PRRX1: variants seen among roughly 807,000 people sequenced by gnomAD.
The protein encoded by PRRX1 is paired mesoderm homeobox protein 1.
A neutral mutation model predicts 24.0 loss-of-function variants in PRRX1; 8 were observed. The observed-to-expected ratio is 0.33, with a 90% CI of 0.20 to 0.60. PRRX1 has a LOEUF of 0.60. Ranked by LOEUF, PRRX1 falls within the 20% of genes least tolerant of loss-of-function variation. The probability of loss-of-function intolerance (pLI) is 0.82; values close to 1 mark genes in which losing one functional copy is unlikely to be tolerated. For missense variants in PRRX1, 281 were observed against 322.4 expected (o/e 0.87, Z 0.98); for synonymous variants, 160 against 131.7 (o/e 1.22, Z -1.47).
In PRRX1 at chr1:170,737,919, G is replaced by T. The variant is rs1655676520; in HGVS notation, c.*1733G>T. 1 of 216,342 alleles carries T rather than the reference G, an allele frequency of 4.6e-6. No homozygotes were observed. The allele number at this position is 216,342 out of a possible 1,614,324, so 13.4% of individuals were successfully genotyped here. Reference sequence around the variant, plus strand: ...ATGGGAGGAAAGGGACTATAAAAGTGTACAATGTTAATGGAATGATACGGT... The same window carrying T: ...ATGGGAGGAAAGGGACTATAAAAGTTTACAATGTTAATGGAATGATACGGT... On this transcript the variant is annotated 3_prime_UTR_variant, in exon 4 of 4. Coordinates refer to ENST00000239461, the MANE Select transcript of PRRX1 (RefSeq NM_022716.4).
chr1:170,667,991 C>G (rs957896963), intron 1 of PRRX1: 5 of 151,312 alleles, frequency 3.3e-5, no homozygotes, highest in Non-Finnish European at 7.4e-5. Flanking sequence ...CACTCACCAT[C>G]AGCAATTCTG....
rs1655662747 is a variant in PRRX1 at position 170,737,658 on chromosome 1, G to A, written c.*1472G>A. 1 of 220,158 alleles carries A rather than the reference G, an allele frequency of 4.5e-6. No individual in the cohort carries two copies. The highest frequency in any genetic ancestry group is 9.1e-6 in the Non-Finnish European group (1 of 109,732). The allele number at this position is 220,158 out of a possible 1,614,324, so 13.6% of individuals were successfully genotyped here. A position where few individuals can be genotyped will look rare whatever the true frequency, so the allele number is the denominator to read the frequency against. ...TTTTAATATTTTGAAATAAAGTTTA[G>A]TGTCTAGGGCTGGGAGCCAGGACTG... is the stretch of plus-strand genomic sequence containing the variant. On this transcript the variant is annotated 3_prime_UTR_variant, in exon 4 of 4. Transcript: ENST00000239461.
chr1:170,667,027 C>T (rs900086167), intron 1 of PRRX1, among the ~76,000 whole-genome samples: 3 of 152,038 alleles, frequency 2.0e-5, no homozygotes, highest in African/African-American at 7.2e-5. Flanking sequence ...CTCAGCATCC[C>T]GGGCGGAATT....
At chr1:170,669,923 C>T (rs1223442838) in intron 1 of PRRX1, among the ~76,000 whole-genome samples, 1 of 152,178 alleles carries the variant, frequency 6.6e-6, no homozygotes, top group African/African-American at 2.4e-5. Context: ...TTGCATTTCG[C>T]TTATTTTTCT....
At chr1:170,688,285 G>A (rs1653813501) in intron 1 of PRRX1, among the ~76,000 whole-genome samples, 1 of 152,034 alleles carries the variant, frequency 6.6e-6, no homozygotes, top group Non-Finnish European at 1.5e-5. Flanking sequence ...ATGTTATATA[G>A]TGTTAATATA....
At chr1:170,692,741 T>TCTCA (rs372525166) in intron 1 of PRRX1, among the ~76,000 whole-genome samples, 30,176 of 138,838 alleles carry the variant, frequency 0.22, 3,739 homozygotes, top group Middle Eastern at 0.33. Flanking sequence ...TCTCTCTCTC[T>TCTCA]CACACACACA....
intron 1 of PRRX1, among the ~76,000 whole-genome samples, chr1:170,669,633 C>T (rs765174870): frequency 1.8e-4 from 27 of 151,806 alleles, no homozygotes; most frequent in Non-Finnish European, 3.4e-4. Context: ...CACACTGTTT[C>T]CCGCTCCATC....
chr1:170,726,037 C>T (rs976004546), intron 2 of PRRX1, among the ~76,000 whole-genome samples, 183 bp from the exon 3 acceptor site: 2 of 152,076 alleles, frequency 1.3e-5, no homozygotes, highest in African/African-American at 4.8e-5. Flanking sequence ...TTAAGAATGG[C>T]CCTCATTGAG....
rs1238765854 is a variant in PRRX1 at position 170,736,217 on chromosome 1, G to T, written c.*31G>T. The T allele has an allele frequency of 6.2e-7, 1 of 1,612,424 alleles. No homozygotes were observed. Among genetic ancestry groups the T allele is most frequent in the South Asian group, 1.1e-5 (1 of 91,018 alleles). On this transcript the variant is annotated 3_prime_UTR_variant, in exon 4 of 4. Transcript: ENST00000239461. The stretch of plus-strand genomic sequence containing the variant: ...AAAAATAATTAAACAGGCCTAAGAA[G>T]AAATCAAAAACCATAAGACACCTAT...
chr1:170,672,061 C>A (rs1350923146), intron 1 of PRRX1, among the ~76,000 whole-genome samples: 2 of 152,106 alleles, frequency 1.3e-5, no homozygotes, highest in Non-Finnish European at 2.9e-5. Context: ...AACCTTTCCT[C>A]CTCACGAAAG....
chr1:170,697,433 T>A (rs1436247675), intron 1 of PRRX1, among the ~76,000 whole-genome samples: 3 of 152,096 alleles, frequency 2.0e-5, no homozygotes, highest in Non-Finnish European at 4.4e-5. Context: ...CTTATAATAA[T>A]ACATGTAAGA....
intron 2 of PRRX1, among the ~76,000 whole-genome samples, chr1:170,725,066 A>C (rs1655211661): frequency 6.6e-6 from 1 of 151,932 alleles, no homozygotes. Flanking sequence ...TTCATTCATG[A>C]TTTGGCTCTT....
rs1463987387 is a variant in PRRX1 at position 170,730,221 on chromosome 1, C to T, written c.599+3820C>T. 4.2e-6 allele frequency: 6 copies of T among 1,425,810 alleles called. No individual in the cohort carries two copies. The Admixed American group carries it at 6.7e-5, about 16-fold the overall frequency. The allele number at this position is 1,425,810 out of a possible 1,614,324, so 88.3% of individuals were successfully genotyped here. A position where few individuals can be genotyped will look rare whatever the true frequency, so the allele number is the denominator to read the frequency against. ...CATTTGATCGTGGTCATGGTGCTGCCTGACATCTGCTGAACGCATTTGGCT... is the reference window on the plus strand; with the variant it reads ...CATTTGATCGTGGTCATGGTGCTGCTTGACATCTGCTGAACGCATTTGGCT... On this transcript the variant is annotated intron_variant, in intron 3 of 3. Coordinates refer to ENST00000239461, the MANE Select transcript of PRRX1 (RefSeq NM_022716.4).
intron 1 of PRRX1, among the ~76,000 whole-genome samples, chr1:170,690,007 C>T (rs1273019883): frequency 9.2e-5 from 14 of 151,812 alleles, no homozygotes; most frequent in Admixed American, 8.5e-4. Context: ...GTATGAAACA[C>T]TTCTCAACAG....
chr1:170,717,246 T>C (rs1196485570), intron 1 of PRRX1, among the ~76,000 whole-genome samples: 1 of 152,242 alleles, frequency 6.6e-6, no homozygotes, highest in Non-Finnish European at 1.5e-5. Flanking sequence ...ACTATAATTC[T>C]CCATTTCCCT....
chr1:170,736,999 G>C lies in PRRX1; in HGVS notation c.*813G>C, dbSNP rs964155284. ...TGTCTTTGAATGATTTGCTGTCACA[G>C]ACTATTTGGTAGAAGAAATATTTTT... On this transcript the variant is annotated 3_prime_UTR_variant, in exon 4 of 4. Coordinates refer to ENST00000239461, the MANE Select transcript of PRRX1 (RefSeq NM_022716.4). The C allele has an allele frequency of 1.5e-5, 3 of 198,182 alleles. No individual in the cohort carries two copies. The highest frequency in any genetic ancestry group is 6.9e-5 in the African/African-American group (3 of 43,390). The allele number at this position is 198,182 out of a possible 1,614,324, so 12.3% of individuals were successfully genotyped here.
At chr1:170,679,989 T>G (rs1192472552) in intron 1 of PRRX1, among the ~76,000 whole-genome samples, 3 of 152,236 alleles carry the variant, frequency 2.0e-5, no homozygotes, top group African/African-American at 7.2e-5. Flanking sequence ...TTCCCTTTTT[T>G]CTGATGCTGA....
At position 170,731,055 on chromosome 1, in the gene PRRX1, T is replaced by C. The variant is rs115437838; in HGVS notation, c.599+4654T>C. ...GTTCACTTTAAGAGATAAATATACG[T>C]ATTAGAAAATCAACTTCTGAATTTC... is the stretch of plus-strand genomic sequence containing the variant. On this transcript the variant is annotated intron_variant, in intron 3 of 3. Transcript: ENST00000239461. 2.8e-3 allele frequency among the ~76,000 whole-genome samples: 423 copies of C among 152,324 alleles called. 3 individuals are homozygous for C. Among genetic ancestry groups the C allele is most frequent in the African/African-American group, 9.8e-3 (408 of 41,564 alleles).
At chr1:170,691,760 G>C (rs78062370) in intron 1 of PRRX1, among the ~76,000 whole-genome samples, 1 of 151,442 alleles carries the variant, frequency 6.6e-6, no homozygotes, top group African/African-American at 2.4e-5. Flanking sequence ...GACAAAGATA[G>C]TATTGAAAAT....
Sources: gnomAD v4.1 joint callset for allele counts (sites outside exome capture counted in the v4.1 genomes callset) on GRCh38, gnomAD v4.1.1 for gene constraint, MANE v1.5 for transcripts, NCBI Gene and HGNC (gene_info 2026-07-23, HGNC 2026-07-21) for gene names.